The following KCTD5 variants were observed in gnomAD, a reference collection of about 807,000 sequenced individuals.
KCTD5 encodes the protein BTB/POZ domain-containing protein KCTD5.
KCTD5 carries 12 observed loss-of-function variants against 27.9 expected under a neutral mutation model. The ratio of observed to expected loss-of-function variants is 0.43; its 90% CI spans 0.28 to 0.70. The LOEUF (loss-of-function observed/expected upper bound fraction) is 0.70, where lower values mean the gene tolerates loss of function less well. KCTD5 is among the 30% of genes least tolerant of loss of function. The pLI is 0.19. For missense variants in KCTD5, 226 were observed against 274.8 expected (o/e 0.82, Z 1.26); for synonymous variants, 147 against 121.4 (o/e 1.21, Z -1.39).
intron 5 of KCTD5, among the ~76,000 whole-genome samples, chr16:2,703,980 A>C (rs2067623728): frequency 6.6e-6 from 1 of 152,142 alleles, no homozygotes; most frequent in African/African-American, 2.4e-5. Context: ...TATTTTTAGA[A>C]GTTTTTTATT....
chr16:2,692,797 C>T (rs2067572327), intron 1 of KCTD5, among the ~76,000 whole-genome samples: 1 of 152,244 alleles, frequency 6.6e-6, no homozygotes, highest in South Asian at 2.1e-4. Flanking sequence ...CAACTTTGCT[C>T]CAAGATCGGA....
chr16:2,691,344 T>C (rs1444336738), intron 1 of KCTD5, among the ~76,000 whole-genome samples: 1 of 152,144 alleles, frequency 6.6e-6, no homozygotes. Context: ...AAGGAACCCA[T>C]GGGAAGAAAC....
chr16:2,700,138 C>T (rs1283148737), intron 4 of KCTD5, among the ~76,000 whole-genome samples: 1 of 152,218 alleles, frequency 6.6e-6, no homozygotes, highest in Non-Finnish European at 1.5e-5. Context: ...CCCGCACCTT[C>T]CCCTCCTCCC....
chr16:2,705,208 C>T (rs2067630286), intron 5 of KCTD5, among the ~76,000 whole-genome samples: 1 of 152,170 alleles, frequency 6.6e-6, no homozygotes, highest in Admixed American at 6.5e-5. Flanking sequence ...GCTCCGTGGC[C>T]TCCTTGACCC....
At chr16:2,684,788 A>G (rs938425882) in intron 1 of KCTD5, 1 of 151,920 alleles carries the variant, frequency 6.6e-6, no homozygotes, top group Non-Finnish European at 1.5e-5. Flanking sequence ...TAAAAAAAAA[A>G]TAAGCCAGGT....
chr16:2,698,854 G>C (rs2067598461), intron 3 of KCTD5, among the ~76,000 whole-genome samples: 1 of 152,204 alleles, frequency 6.6e-6, no homozygotes, highest in South Asian at 2.1e-4. Flanking sequence ...CGCGCCCCGG[G>C]TCACCTTGTC....
chr16:2,703,503 G>A (rs1011804260), intron 5 of KCTD5, among the ~76,000 whole-genome samples: 6 of 152,196 alleles, frequency 3.9e-5, no homozygotes, highest in Admixed American at 3.9e-4. Context: ...CTGGGCAACC[G>A]CAGACTCTTG....
chr16:2,697,654 G>A (rs73494243), intron 2 of KCTD5, among the ~76,000 whole-genome samples: 1 of 152,222 alleles, frequency 6.6e-6, no homozygotes, highest in Non-Finnish European at 1.5e-5. Context: ...GTTACCTGGG[G>A]TGACCTGAGC....
intron 5 of KCTD5, among the ~76,000 whole-genome samples, chr16:2,706,373 G>A (rs1426711576): frequency 6.6e-6 from 1 of 152,202 alleles, no homozygotes; most frequent in East Asian, 1.9e-4. Context: ...TGCCCTACCT[G>A]GTGTTGGGCA....
At chr16:2,699,366 G>A (rs999394383) in intron 3 of KCTD5, 15 of 371,792 alleles carry the variant, frequency 4.0e-5, no homozygotes, top group Middle Eastern at 7.4e-4. Context: ...GCCTTCGGGA[G>A]GCCCAAGTCC....
chr16:2,687,881 C>G (rs888627253), intron 1 of KCTD5, among the ~76,000 whole-genome samples: 3 of 152,158 alleles, frequency 2.0e-5, no homozygotes, highest in African/African-American at 7.2e-5. Context: ...CATGCTTGTT[C>G]TCCCTGGGCG....
At position 2,682,898 on chromosome 16, in the gene KCTD5, G is replaced by A. The variant is rs532743814; in HGVS notation, c.252+98G>A. 5.0e-5 allele frequency: 70 copies of A among 1,397,528 alleles called. No homozygotes were observed. In the African/African-American group the frequency reaches 9.7e-4, roughly 19 times the overall value. The allele number at this position is 1,397,528 out of a possible 1,614,324, so 86.6% of individuals were successfully genotyped here. ...GTGCGGAGGAGACTTCAGCGGGAGC[G>A]GGCGACTCTCCTCGGGCTTCGAGCC... On this transcript the variant is annotated intron_variant, in intron 1 of 5. Transcript: ENST00000301738.
At chr16:2,706,275 T>C (rs1647099539) in intron 5 of KCTD5, among the ~76,000 whole-genome samples, 1 of 152,236 alleles carries the variant, frequency 6.6e-6, no homozygotes, top group Middle Eastern at 3.4e-3. Context: ...TGGGGTGGCA[T>C]GCACCTCTCA....
intron 1 of KCTD5, among the ~76,000 whole-genome samples, chr16:2,687,406 A>G (rs1042272004): frequency 1.3e-5 from 2 of 152,198 alleles, no homozygotes; most frequent in Non-Finnish European, 2.9e-5. Flanking sequence ...GCTGCAGGGC[A>G]GTTCCTCTTT....
At chr16:2,689,425 C>T (rs1476990556) in intron 1 of KCTD5, among the ~76,000 whole-genome samples, 5 of 113,714 alleles carry the variant, frequency 4.4e-5, no homozygotes, top group East Asian at 2.4e-4. Flanking sequence ...TATGCCTTCG[C>T]GTCTAGATTT....
At position 2,692,728 on chromosome 16, in the gene KCTD5, C is replaced by A. The variant is rs1040937486; in HGVS notation, c.253-3207C>A. ...GTGGGGCCTTACCGGGGACCTACCC[C>A]CTTCTTCCCAGGAATCTATCTGCCT... On this transcript the variant is annotated intron_variant, in intron 1 of 5. Coordinates refer to ENST00000301738, the MANE Select transcript of KCTD5 (RefSeq NM_018992.4). Among the ~76,000 whole-genome samples, 7 of 152,356 alleles carry A rather than the reference C, an allele frequency of 4.6e-5. No individual in the cohort carries two copies. In the East Asian group the frequency reaches 5.8e-4, roughly 13 times the overall value.
At chr16:2,698,894 G>A (rs1004371646) in intron 3 of KCTD5, among the ~76,000 whole-genome samples, 6 of 150,958 alleles carry the variant, frequency 4.0e-5, no homozygotes, top group Admixed American at 2.0e-4. Context: ...TTGTGTGACC[G>A]GGCTGTGTGG....
intron 5 of KCTD5, among the ~76,000 whole-genome samples, chr16:2,703,060 C>T (rs761331120): frequency 4.6e-5 from 7 of 152,204 alleles, no homozygotes; most frequent in Non-Finnish European, 1.0e-4. Flanking sequence ...CCGGCGCAGA[C>T]TCTGCGGGGG....
chr16:2,699,984 G>A (rs2067603974), intron 4 of KCTD5, 68 bp downstream of exon 4: 2 of 1,408,450 alleles, frequency 1.4e-6, no homozygotes, highest in East Asian at 2.3e-5. Context: ...ATGGCTCAGG[G>A]CTCAGTGCTC....
Sources: gnomAD v4.1 joint callset for allele counts (sites outside exome capture counted in the v4.1 genomes callset) on GRCh38, gnomAD v4.1.1 for gene constraint, MANE v1.5 for transcripts, NCBI Gene and HGNC (gene_info 2026-07-23, HGNC 2026-07-21) for gene names.